The following EEFSEC variants were observed in gnomAD, a reference collection of about 807,000 sequenced individuals.
EEFSEC encodes the protein eukaryotic elongation factor, selenocysteine-tRNA specific.
Under a neutral mutation model 42.1 loss-of-function variants are expected in EEFSEC, and 43 were observed. The observed-to-expected ratio is 1.02, with a 90% confidence interval of 0.80 to 1.32. EEFSEC has a LOEUF of 1.32. Ranked by LOEUF, EEFSEC falls within the 40% of genes most tolerant of loss-of-function variation. EEFSEC has a pLI of 0.00. For missense variants in EEFSEC, 745 were observed against 803.6 expected (o/e 0.93, Z 0.88); for synonymous variants, 354 against 339.1 (o/e 1.04, Z -0.48).
intron 4 of EEFSEC, among the ~76,000 whole-genome samples, chr3:128,269,911 C>A (rs1035990803): frequency 6.6e-6 from 1 of 152,190 alleles, no homozygotes; most frequent in African/African-American, 2.4e-5. Context: ...GATTGGCTAT[C>A]AGGGTTGTAA....
chr3:128,224,784 T>G (rs2065892812), intron 1 of EEFSEC, among the ~76,000 whole-genome samples: 1 of 152,224 alleles, frequency 6.6e-6, no homozygotes, highest in Non-Finnish European at 1.5e-5. Flanking sequence ...CCTATCTATA[T>G]TTAGAATTTT....
chr3:128,166,830 C>T (rs778937235), intron 1 of EEFSEC, among the ~76,000 whole-genome samples: 51 of 152,176 alleles, frequency 3.4e-4, no homozygotes, highest in South Asian at 2.1e-4. Flanking sequence ...ACCACAGCTG[C>T]GACCTGAAGA....
At chr3:128,286,431 C>T (rs978102206) in intron 4 of EEFSEC, among the ~76,000 whole-genome samples, 42 of 152,322 alleles carry the variant, frequency 2.8e-4, no homozygotes, top group African/African-American at 9.9e-4. Flanking sequence ...TGTCTCTTCT[C>T]CCAGTTTATT....
At chr3:128,278,431 C>G (rs1219154707) in intron 4 of EEFSEC, among the ~76,000 whole-genome samples, 1 of 152,132 alleles carries the variant, frequency 6.6e-6, no homozygotes, top group Non-Finnish European at 1.5e-5. Flanking sequence ...GAATCCAGAA[C>G]AATCTGGAGG....
the EEFSEC span, among the ~76,000 whole-genome samples, chr3:128,420,226 C>G: frequency 6.6e-6 from 1 of 152,348 alleles, no homozygotes. Context: ...TTGGATTGGT[C>G]AGAACTGACT....
At chr3:128,280,914 G>A (rs1345201774) in intron 4 of EEFSEC, among the ~76,000 whole-genome samples, 1 of 152,196 alleles carries the variant, frequency 6.6e-6, no homozygotes. Context: ...GCCTGAGGCT[G>A]AGGCCGCATT....
At chr3:128,324,603 A>C (rs562657015) in intron 4 of EEFSEC, among the ~76,000 whole-genome samples, 1 of 152,076 alleles carries the variant, frequency 6.6e-6, no homozygotes, top group East Asian at 1.9e-4. Context: ...TTGCTCTTTT[A>C]TTTTCTGATA....
At chr3:128,292,104 T>C (rs1353300917) in intron 4 of EEFSEC, among the ~76,000 whole-genome samples, 2 of 152,156 alleles carry the variant, frequency 1.3e-5, no homozygotes, top group African/African-American at 4.8e-5. Flanking sequence ...GTTACATATA[T>C]TGTTAAGTAA....
intron 6 of EEFSEC, among the ~76,000 whole-genome samples, chr3:128,374,977 C>T (rs1056495836): frequency 2.0e-4 from 30 of 152,336 alleles, no homozygotes; most frequent in African/African-American, 6.3e-4. Context: ...CCATCTGTTC[C>T]ACCTGGCCCT....
At chr3:128,405,904 G>A (rs977318352) in intron 6 of EEFSEC, among the ~76,000 whole-genome samples, 2 of 152,210 alleles carry the variant, frequency 1.3e-5, no homozygotes, top group Non-Finnish European at 2.9e-5. Context: ...CACCTCCTTG[G>A]CAGGCAGGGT....
intron 1 of EEFSEC, among the ~76,000 whole-genome samples, chr3:128,209,799 T>C (rs1160259354): frequency 1.3e-5 from 2 of 152,148 alleles, no homozygotes; most frequent in Non-Finnish European, 2.9e-5. Flanking sequence ...TAAAGGGAGA[T>C]TTGGGTATTT....
chr3:128,332,656 G>A (rs2067146721), intron 4 of EEFSEC, among the ~76,000 whole-genome samples: 1 of 152,172 alleles, frequency 6.6e-6, no homozygotes, highest in South Asian at 2.1e-4. Context: ...TCACCATGTT[G>A]GCCAGGCTGG....
intron 6 of EEFSEC, chr3:128,362,367 A>G (rs545962653): frequency 2.2e-6 from 1 of 448,246 alleles, no homozygotes; most frequent in East Asian, 7.5e-5. Flanking sequence ...TCCTAATGAC[A>G]GCTCTGAGTC....
At chr3:128,405,857 G>A (rs1307596445) in intron 6 of EEFSEC, among the ~76,000 whole-genome samples, 3 of 152,226 alleles carry the variant, frequency 2.0e-5, no homozygotes, top group Non-Finnish European at 2.9e-5. Context: ...AGCCTGTACA[G>A]GCCCTTTGTG....
intron 1 of EEFSEC, among the ~76,000 whole-genome samples, chr3:128,237,099 C>T (rs985224387): frequency 1.1e-4 from 17 of 152,274 alleles, no homozygotes; most frequent in African/African-American, 4.1e-4. Flanking sequence ...ATTGGACTGT[C>T]GCTCTTTTTA....
At chr3:128,417,796 G>A in the EEFSEC span, among the ~76,000 whole-genome samples, 4 of 152,076 alleles carry the variant, frequency 2.6e-5, no homozygotes, top group African/African-American at 9.7e-5. The surrounding 1 kb of genome is among the most constrained non-coding windows in gnomAD (Gnocchi z 4.3). Flanking sequence ...TGCAGACCAC[G>A]GTGACCTTCA....
chr3:128,411,733 G>C (rs931087132), downstream of EEFSEC, among the ~76,000 whole-genome samples: 1 of 152,228 alleles, frequency 6.6e-6, no homozygotes, highest in Non-Finnish European at 1.5e-5. Flanking sequence ...CCCTGGAATC[G>C]AGACTCTGAT....
intron 6 of EEFSEC, 116 bp downstream of exon 6, chr3:128,358,489 G>C: frequency 6.9e-7 from 1 of 1,440,186 alleles, no homozygotes; most frequent in East Asian, 2.4e-5. Flanking sequence ...CCTTTGCCGA[G>C]ACACGGGGTG....
intron 1 of EEFSEC, among the ~76,000 whole-genome samples, chr3:128,208,224 C>T (rs2065720569): frequency 2.0e-5 from 3 of 152,182 alleles, no homozygotes; most frequent in Admixed American, 6.5e-5. Flanking sequence ...GATGGTTGGA[C>T]GGGAAGCCTC....
Sources: allele counts gnomAD v4.1 joint callset (sites outside exome capture counted in the v4.1 genomes callset), GRCh38; gene constraint gnomAD v4.1.1; non-coding constraint Gnocchi (gnomAD v3.1); transcripts MANE v1.5; gene names NCBI Gene and HGNC (gene_info 2026-07-23, HGNC 2026-07-21).